Variants in HSPA12A observed in about 807,000 individuals in gnomAD.
HSPA12A encodes heat shock protein family A (Hsp70) member 12A, also known as heat shock 70 kDa protein 12A.
A neutral mutation model predicts 69.2 loss-of-function variants in HSPA12A; 28 were observed. The ratio of observed to expected loss-of-function variants is 0.40; its 90% CI spans 0.30 to 0.55. The LOEUF (loss-of-function observed/expected upper bound fraction) is 0.55. HSPA12A is among the 20% of genes least tolerant of loss of function. The pLI is 0.38. For synonymous variants in HSPA12A, 345 were observed against 370.5 expected (o/e 0.93, Z 0.79); for missense variants, 686 against 900.7 (o/e 0.76, Z 3.05).
chr10:116,682,866 A>C (rs1379929304), intron 7 of HSPA12A, among the ~76,000 whole-genome samples: 1 of 56,480 alleles, frequency 1.8e-5, no homozygotes, highest in Non-Finnish European at 3.0e-5. Context: ...TCGCCCGGCT[A>C]ATTTTTTTTT....
intron 2 of HSPA12A, among the ~76,000 whole-genome samples, chr10:116,766,787 A>C (rs1301847002): frequency 1.3e-5 from 2 of 152,070 alleles, no homozygotes; most frequent in Non-Finnish European, 2.9e-5. Context: ...TCTTTTACCT[A>C]CTCTGGCCGC....
chr10:116,683,728 A>C, intron 7 of HSPA12A, 63 bp downstream of exon 7: 2 of 1,408,538 alleles, frequency 1.4e-6, no homozygotes, highest in Non-Finnish European at 1.9e-6. Context: ...CATCAGAGGG[A>C]GAGAGACATC....
chr10:116,703,911 C>T (rs1850155366), intron 3 of HSPA12A, among the ~76,000 whole-genome samples: 1 of 152,230 alleles, frequency 6.6e-6, no homozygotes. Flanking sequence ...CTGGCAGGTG[C>T]TTTTTGCCTC....
intron 2 of HSPA12A, among the ~76,000 whole-genome samples, chr10:116,797,963 A>G (rs914572815): frequency 2.0e-5 from 3 of 152,182 alleles, no homozygotes; most frequent in Non-Finnish European, 4.4e-5. Flanking sequence ...CAGAGGGCAC[A>G]GTTTGGGTAA....
intron 2 of HSPA12A, among the ~76,000 whole-genome samples, chr10:116,757,460 C>A (rs73387135): frequency 0.024 from 3,679 of 152,312 alleles, 151 homozygotes; most frequent in African/African-American, 0.084. Context: ...GGTCACCTGA[C>A]TTCCCTCCAA....
At chr10:116,758,132 A>C (rs1233265914) in intron 2 of HSPA12A, among the ~76,000 whole-genome samples, 2 of 152,228 alleles carry the variant, frequency 1.3e-5, no homozygotes, top group African/African-American at 4.8e-5. Flanking sequence ...GTTTAGAAGC[A>C]GAGGATGAGG....
In HSPA12A at chr10:116,679,714, GA is replaced by G; in HGVS notation, c.1074del (p.Leu359CysfsTer24). 1 of 1,614,156 alleles carries G rather than the reference GA, an allele frequency of 6.2e-7. No homozygotes were observed. Among genetic ancestry groups the G allele is most frequent in the Non-Finnish European group, 8.5e-7 (1 of 1,180,008 alleles). On this transcript the variant is annotated frameshift_variant, in exon 10 of 12. Transcript: ENST00000369209. LOFTEE classifies it high-confidence loss of function. ...SLGVDYEFEKLLYKIFGEDFI... is the reference protein window; with the variant it reads ...SLGVDYEFEKXLYKIFGEDFI... ...AAATCCTCTCCAAATATTTTATACA[GA>G]AGTTTTTCGAACTCATAATCTACTC... is the stretch of plus-strand genomic sequence containing the variant.
upstream of HSPA12A, among the ~76,000 whole-genome samples, chr10:116,745,082 A>G (rs755911379): frequency 2.0e-5 from 3 of 152,152 alleles, no homozygotes; most frequent in East Asian, 1.9e-4. Context: ...AAGAGAATCA[A>G]TCACGTGGCT....
At chr10:116,698,986 C>T (rs7913544) in intron 4 of HSPA12A, among the ~76,000 whole-genome samples, 6,858 of 152,202 alleles carry the variant, frequency 0.045, 544 homozygotes, top group African/African-American at 0.16. Flanking sequence ...TCCTTCTCTC[C>T]CTCTAGCTCC....
rs184328557 is a variant in HSPA12A, at chr10:116,804,626, G to A, written c.91+30309C>T. Among the ~76,000 whole-genome samples, 13 of 152,168 alleles carry A rather than the reference G, an allele frequency of 8.5e-5. No homozygotes were observed. The East Asian group carries it at 2.3e-3, about 27-fold the overall frequency. On this transcript the variant is annotated intron_variant, in intron 2 of 12. Transcript: ENST00000635765. ...AGGAAATGTTCCTGCGTGTTCCTAC[G>A]CAACAAAATCAAGTGCATGTGTAGG...
intron 2 of HSPA12A, among the ~76,000 whole-genome samples, chr10:116,812,350 G>C (rs917020247): frequency 2.0e-5 from 3 of 152,078 alleles, no homozygotes; most frequent in Non-Finnish European, 4.4e-5. Flanking sequence ...CTACTCAGGA[G>C]GCTGAGGCAG....
At chr10:116,750,928 G>A (rs573770714) in intron 2 of HSPA12A, among the ~76,000 whole-genome samples, 36 of 151,936 alleles carry the variant, frequency 2.4e-4, no homozygotes, top group Non-Finnish European at 4.7e-4. Context: ...AGCTGAGATC[G>A]TACCACTGCA....
intron 2 of HSPA12A, among the ~76,000 whole-genome samples, chr10:116,781,155 C>G (rs1554891757): frequency 6.6e-6 from 1 of 152,134 alleles, no homozygotes; most frequent in African/African-American, 2.4e-5. Flanking sequence ...TTAAAATTAG[C>G]CTGGCATGGT....
chr10:116,805,295 G>A (rs548725041), intron 2 of HSPA12A, among the ~76,000 whole-genome samples: 2 of 152,114 alleles, frequency 1.3e-5, no homozygotes, highest in African/African-American at 4.8e-5. Context: ...CAGCCTGGGC[G>A]ACAGAGAGAG....
intron 2 of HSPA12A, among the ~76,000 whole-genome samples, chr10:116,775,157 C>T (rs1844307694): frequency 6.6e-6 from 1 of 152,242 alleles, no homozygotes; most frequent in Non-Finnish European, 1.5e-5. Flanking sequence ...TTACCAAGTG[C>T]TGATTCTGTA....
intron 2 of HSPA12A, 25 bp from the exon 3 acceptor site, chr10:116,705,303 G>C: frequency 1.2e-6 from 2 of 1,613,482 alleles, no homozygotes; most frequent in Non-Finnish European, 1.7e-6. Flanking sequence ...TGAGGCATGG[G>C]GGGTGTGGAG....
At chr10:116,846,601 G>T (rs1357006603) in intron 1 of HSPA12A, among the ~76,000 whole-genome samples, 1 of 152,132 alleles carries the variant, frequency 6.6e-6, no homozygotes, top group African/African-American at 2.4e-5. Flanking sequence ...GCCCGCCTCG[G>T]CTTCCCAAAG....
At chr10:116,678,348 CAAAAAAAAA>C (rs55780024) in intron 10 of HSPA12A, among the ~76,000 whole-genome samples, 10 of 59,394 alleles carry the variant, frequency 1.7e-4, no homozygotes, top group Non-Finnish European at 2.2e-4. Flanking sequence ...TGCCAACTTG[CAAAAAAAAA>C]AAAAAAAAAA....
At chr10:116,679,790 G>C (rs1411612668) in intron 9 of HSPA12A, 29 bp from the exon 10 acceptor site, 2 of 1,606,926 alleles carry the variant, frequency 1.2e-6, no homozygotes, top group African/African-American at 2.7e-5. Context: ...GGGAGGCCAT[G>C]GTGTTAAAAA....
Sources: gnomAD v4.1 joint callset for allele counts (sites outside exome capture counted in the v4.1 genomes callset) on GRCh38, gnomAD v4.1.1 for gene constraint, MANE v1.5 for transcripts, NCBI Gene and HGNC (gene_info 2026-07-23, HGNC 2026-07-21) for gene names.